The following MBD5 variants were observed in gnomAD, a reference collection of about 807,000 sequenced individuals.
MBD5 encodes the protein methyl-CpG binding domain protein 5.
A neutral mutation model predicts 117.3 loss-of-function variants in MBD5; 13 were observed. The observed-to-expected ratio is 0.11, with a 90% CI of 0.07 to 0.18. The LOEUF (loss-of-function observed/expected upper bound fraction) is 0.18. Among genes scored for constraint, MBD5 ranks in the 10% least tolerant of loss-of-function variants. The probability of loss-of-function intolerance (pLI) is 1.00; values close to 1 mark genes in which losing one functional copy is unlikely to be tolerated. For missense variants in MBD5, 1,879 were observed against 2,093.8 expected (o/e 0.90, Z 2.00); for synonymous variants, 727 against 766.4 (o/e 0.95, Z 0.85).
At chr2:148,159,261 C>T (rs1194240533) in intron 1 of MBD5, among the ~76,000 whole-genome samples, 1 of 152,140 alleles carries the variant, frequency 6.6e-6, no homozygotes, top group Non-Finnish European at 1.5e-5. Flanking sequence ...CAAATACAAA[C>T]AGTCCTCATT....
At chr2:148,207,695 A>G (rs1423526865) in intron 2 of MBD5, among the ~76,000 whole-genome samples, 2 of 29,392 alleles carry the variant, frequency 6.8e-5, no homozygotes, top group South Asian at 2.9e-3. Flanking sequence ...AAGTTAGGAA[A>G]AAAAAAAAAA....
chr2:148,251,010 TG>T (rs1482547623), intron 3 of MBD5, among the ~76,000 whole-genome samples: 1 of 152,208 alleles, frequency 6.6e-6, no homozygotes, highest in Non-Finnish European at 1.5e-5. Context: ...ATGTGGTTTT[TG>T]TTTTTTGCTT....
In MBD5 at chr2:148,399,927, G is replaced by A. The variant is rs962350923; in HGVS notation, c.-557+57591G>A. On this transcript the variant is annotated intron_variant, in intron 4 of 13. Coordinates refer to ENST00000642680, the MANE Select transcript of MBD5 (RefSeq NM_001378120.1). Reference sequence around the variant, plus strand: ...TTGAGATAATCATGTGGTTTTTTTCGTTGGTCCTGTTTATATGCTGGATTA... The same window carrying A: ...TTGAGATAATCATGTGGTTTTTTTCATTGGTCCTGTTTATATGCTGGATTA... Among the ~76,000 whole-genome samples, 21 of 152,052 alleles carry A rather than the reference G, an allele frequency of 1.4e-4. No homozygotes were observed. In the East Asian group the frequency reaches 1.6e-3, roughly 11 times the overall value.
At chr2:148,076,525 GC>G (rs1184295257) in intron 1 of MBD5, among the ~76,000 whole-genome samples, 1 of 152,088 alleles carries the variant, frequency 6.6e-6, no homozygotes, top group Non-Finnish European at 1.5e-5. Flanking sequence ...AAAAAAAGAG[GC>G]CTCAGAGGTC....
intron 1 of MBD5, among the ~76,000 whole-genome samples, chr2:148,033,703 A>G (rs1243329640): frequency 1.3e-5 from 2 of 152,232 alleles, no homozygotes; most frequent in South Asian, 2.1e-4. Context: ...AGCGTACCAC[A>G]TAACAGTTGA....
chr2:148,075,698 A>C (rs1298554504), intron 1 of MBD5, among the ~76,000 whole-genome samples: 3 of 151,812 alleles, frequency 2.0e-5, no homozygotes, highest in Non-Finnish European at 2.9e-5. Flanking sequence ...ATATGTTGCA[A>C]TTGGTTAATG....
chr2:148,403,801 A>G (rs1704996977), intron 4 of MBD5, among the ~76,000 whole-genome samples: 1 of 152,124 alleles, frequency 6.6e-6, no homozygotes, highest in Non-Finnish European at 1.5e-5. Flanking sequence ...GTGCAGATTC[A>G]TGTGTCTACC....
At chr2:148,263,483 T>C (rs919113163) in intron 3 of MBD5, among the ~76,000 whole-genome samples, 4 of 152,160 alleles carry the variant, frequency 2.6e-5, no homozygotes, top group Non-Finnish European at 5.9e-5. Flanking sequence ...AAGGGTCAAC[T>C]TTTGGTGCTG....
intron 3 of MBD5, among the ~76,000 whole-genome samples, chr2:148,270,018 ATCC>A (rs1700946422): frequency 6.6e-6 from 1 of 152,098 alleles, no homozygotes; most frequent in African/African-American, 2.4e-5. Context: ...TCTTTAAGAT[ATCC>A]TCCTCTTGTT....
At position 148,154,471 on chromosome 2, in the gene MBD5, A is replaced by T. The variant is rs1448211995; in HGVS notation, c.-924-24229A>T. On this transcript the variant is annotated intron_variant, in intron 1 of 13. Coordinates refer to ENST00000642680, the MANE Select transcript of MBD5 (RefSeq NM_001378120.1). ...GTGGTGGGCTCCACCCAGTTCGAGC[A>T]TCCTGGCTGCTTTGTTTACCTAAGC... Among the ~76,000 whole-genome samples the T allele has an allele frequency of 5.3e-5, 8 of 152,180 alleles. No individual in the cohort carries two copies. In the South Asian group the frequency reaches 1.2e-3, roughly 24 times the overall value.
At chr2:148,278,559 A>T (rs1701168108) in intron 3 of MBD5, among the ~76,000 whole-genome samples, 1 of 152,166 alleles carries the variant, frequency 6.6e-6, no homozygotes, top group Admixed American at 6.5e-5. Flanking sequence ...AAAAATCTTC[A>T]TACTTTTTTT....
intron 1 of MBD5, among the ~76,000 whole-genome samples, chr2:148,081,592 C>A (rs1411859480): frequency 6.6e-6 from 1 of 152,124 alleles, no homozygotes; most frequent in East Asian, 1.9e-4. Context: ...ACTCATATCA[C>A]CCTGACTGTA....
chr2:148,481,559 C>T (rs978097314), intron 8 of MBD5, among the ~76,000 whole-genome samples: 3 of 151,884 alleles, frequency 2.0e-5, no homozygotes, highest in Non-Finnish European at 2.9e-5. Flanking sequence ...AATGTGTATT[C>T]TTAAAATAAT....
chr2:148,089,026 G>C (rs1272514852), intron 1 of MBD5, among the ~76,000 whole-genome samples: 1 of 151,856 alleles, frequency 6.6e-6, no homozygotes, highest in Non-Finnish European at 1.5e-5. Flanking sequence ...CCATGCAAAT[G>C]GAAACAAAAA....
chr2:148,405,236 G>A (rs1271698263), intron 4 of MBD5, among the ~76,000 whole-genome samples: 2 of 152,134 alleles, frequency 1.3e-5, no homozygotes, highest in African/African-American at 2.4e-5. Context: ...TGGGAGAAAG[G>A]AAATAAACAC....
In MBD5 at chr2:148,310,592, C is replaced by A. The variant is rs576001461; in HGVS notation, c.-679-31622C>A. Reference sequence around the variant, plus strand: ...GTATTTTGTTAATCTTTTCAAAAAACCAGCTCCTGGATTCATTGATTTTTT... The same window carrying A: ...GTATTTTGTTAATCTTTTCAAAAAAACAGCTCCTGGATTCATTGATTTTTT... On this transcript the variant is annotated intron_variant, in intron 3 of 13. Transcript: ENST00000642680. 7.2e-5 allele frequency among the ~76,000 whole-genome samples: 11 copies of A among 152,186 alleles called. No individual in the cohort carries two copies. The East Asian group carries it at 1.5e-3, about 21-fold the overall frequency.
intron 1 of MBD5, among the ~76,000 whole-genome samples, chr2:148,151,160 G>T (rs1436099914): frequency 1.3e-5 from 2 of 151,290 alleles, no homozygotes; most frequent in African/African-American, 4.9e-5. Flanking sequence ...AAGGGTTGTT[G>T]AATTTTGTCA....
At chr2:148,285,790 C>A (rs1177227651) in intron 3 of MBD5, among the ~76,000 whole-genome samples, 1 of 152,102 alleles carries the variant, frequency 6.6e-6, no homozygotes, top group Non-Finnish European at 1.5e-5. Flanking sequence ...AACTCCTGAG[C>A]TCAAGCCATC....
intron 3 of MBD5, among the ~76,000 whole-genome samples, chr2:148,324,264 A>T (rs995798928): frequency 4.6e-5 from 7 of 152,150 alleles, no homozygotes; most frequent in African/African-American, 1.7e-4. Context: ...TATAGTTTGA[A>T]GTCAGGTAGT....
Sources: allele counts gnomAD v4.1 joint callset (sites outside exome capture counted in the v4.1 genomes callset), GRCh38; gene constraint gnomAD v4.1.1; transcripts MANE v1.5; gene names NCBI Gene and HGNC (gene_info 2026-07-23, HGNC 2026-07-21).